ALG5: variants seen among roughly 807,000 people sequenced by gnomAD.
ALG5 encodes dolichyl-phosphate beta-glucosyltransferase.
In ALG5, 26 loss-of-function variants were observed where a neutral mutation model predicts 51.8. The ratio of observed to expected loss-of-function variants is 0.50; its 90% CI spans 0.37 to 0.70. The LOEUF (loss-of-function observed/expected upper bound fraction) is 0.70, where lower values mean the gene tolerates loss of function less well. ALG5 is among the 30% of genes least tolerant of loss of function. ALG5 has a pLI of 0.00. For missense variants in ALG5, 311 were observed against 399.3 expected (o/e 0.78, Z 1.88); for synonymous variants, 141 against 136.1 (o/e 1.04, Z -0.25).
chr13:36,996,545 G>T (rs1477184142), intron 1 of ALG5, among the ~76,000 whole-genome samples: 1 of 152,060 alleles, frequency 6.6e-6, no homozygotes, highest in African/African-American at 2.4e-5. Context: ...TATGATGCAA[G>T]AATCTGATCG....
intron 3 of ALG5, 27 bp from the exon 4 acceptor site, chr13:36,993,699 C>G: frequency 6.3e-7 from 1 of 1,597,224 alleles, no homozygotes. Flanking sequence ...TAAAGTAATA[C>G]AATTTGGCAT....
At chr13:36,976,363 T>C (rs1163599051) in intron 6 of ALG5, among the ~76,000 whole-genome samples, 2 of 138,810 alleles carry the variant, frequency 1.4e-5, no homozygotes, top group African/African-American at 2.8e-5. Context: ...GAGGTGGAGG[T>C]TGCAGTGAGA....
intron 6 of ALG5, among the ~76,000 whole-genome samples, chr13:36,979,921 C>G (rs955381300): frequency 1.3e-5 from 2 of 152,118 alleles, no homozygotes; most frequent in African/African-American, 4.8e-5. Context: ...GTGGTTTGCA[C>G]ATGCACTCTC....
At chr13:36,956,621 T>C (rs1428536422) in intron 8 of ALG5, among the ~76,000 whole-genome samples, 2 of 152,184 alleles carry the variant, frequency 1.3e-5, no homozygotes, top group Non-Finnish European at 2.9e-5. Flanking sequence ...ATGTGGTATA[T>C]GTACACAATG....
intron 8 of ALG5, among the ~76,000 whole-genome samples, chr13:36,964,567 G>C (rs907380603): frequency 1.1e-4 from 16 of 152,168 alleles, no homozygotes; most frequent in African/African-American, 3.6e-4. Context: ...AGTATCAAAT[G>C]CTGCTGATGG....
At chr13:36,994,846 T>G in intron 3 of ALG5, 143 bp downstream of exon 3, 1 of 685,812 alleles carries the variant, frequency 1.5e-6, no homozygotes, top group Non-Finnish European at 2.5e-6. Flanking sequence ...GGCTTATGGA[T>G]AGCAACAAGC....
chr13:36,979,157 C>T (rs1005030469), intron 6 of ALG5, among the ~76,000 whole-genome samples: 2 of 152,114 alleles, frequency 1.3e-5, no homozygotes, highest in South Asian at 2.1e-4. Flanking sequence ...GCTGGGACTA[C>T]AGGTGTGTGC....
In ALG5 at chr13:36,972,323, G is replaced by A. The variant is rs533542167; in HGVS notation, c.562-287C>T. On this transcript the variant is annotated intron_variant, in intron 6 of 9. Coordinates refer to ENST00000239891, the MANE Select transcript of ALG5 (RefSeq NM_013338.5). ...TCTGTGTGAAAATACTATATTATTTGAGAGAAAAATTAGTGGTATGAGAAA... is the reference window on the plus strand; with the variant it reads ...TCTGTGTGAAAATACTATATTATTTAAGAGAAAAATTAGTGGTATGAGAAA... 5.3e-5 allele frequency among the ~76,000 whole-genome samples: 8 copies of A among 152,132 alleles called. 1 individual carries two copies. The highest frequency in any genetic ancestry group is 1.9e-4 in the African/African-American group (8 of 41,510).
intron 7 of ALG5, among the ~76,000 whole-genome samples, chr13:36,969,494 T>C (rs2058911155): frequency 6.6e-6 from 1 of 151,794 alleles, no homozygotes; most frequent in African/African-American, 2.4e-5. Flanking sequence ...TTAGCTGTTT[T>C]AGTGTGCAAA....
intron 9 of ALG5, among the ~76,000 whole-genome samples, chr13:36,950,354 A>T (rs1356896156): frequency 2.0e-5 from 3 of 152,190 alleles, no homozygotes; most frequent in Non-Finnish European, 4.4e-5. Flanking sequence ...GAAGTCTAAT[A>T]AAAAAACTAC....
chr13:36,962,803 TGTGGCTA>T (rs1190586515), intron 8 of ALG5, among the ~76,000 whole-genome samples: 1 of 152,198 alleles, frequency 6.6e-6, no homozygotes, highest in African/African-American at 2.4e-5. Context: ...GCACTTGAAA[TGTGGCTA>T]GTCTGAATTG....
chr13:36,958,883 T>C (rs1424702779), intron 8 of ALG5, among the ~76,000 whole-genome samples: 2 of 152,072 alleles, frequency 1.3e-5, no homozygotes, highest in Admixed American at 6.5e-5. Context: ...TGATCGGGAT[T>C]ATAAACCCAG....
intron 6 of ALG5, among the ~76,000 whole-genome samples, chr13:36,977,078 A>AT (rs1210928128): frequency 1.3e-5 from 2 of 152,274 alleles, no homozygotes. Context: ...TTATCTCAGC[A>AT]TAAGTCCCCA....
At chr13:36,983,867 A>C (rs2058990456) in intron 6 of ALG5, among the ~76,000 whole-genome samples, 1 of 152,122 alleles carries the variant, frequency 6.6e-6, no homozygotes, top group South Asian at 2.1e-4. Flanking sequence ...AAAGTGTGGA[A>C]TTAAATAAAT....
intron 1 of ALG5, among the ~76,000 whole-genome samples, chr13:36,996,679 A>G (rs958265194): frequency 2.0e-5 from 3 of 152,218 alleles, no homozygotes; most frequent in Non-Finnish European, 4.4e-5. Flanking sequence ...GAAGGATCTC[A>G]TTTCAAAAAT....
At chr13:36,961,285 T>C (rs2058865551) in intron 8 of ALG5, among the ~76,000 whole-genome samples, 1 of 151,840 alleles carries the variant, frequency 6.6e-6, no homozygotes, top group African/African-American at 2.4e-5. Context: ...CGTGATGGCA[T>C]GCACCTGTAG....
chr13:36,957,771 C>T (rs1272229244), intron 8 of ALG5, among the ~76,000 whole-genome samples: 1 of 152,130 alleles, frequency 6.6e-6, no homozygotes, highest in African/African-American at 2.4e-5. Context: ...CAGACATCAC[C>T]TCCTTAGCCA....
intron 8 of ALG5, among the ~76,000 whole-genome samples, chr13:36,962,299 G>A (rs1282490023): frequency 6.6e-6 from 1 of 152,130 alleles, no homozygotes; most frequent in Non-Finnish European, 1.5e-5. Flanking sequence ...TTGATTTAAA[G>A]TGCAGGAACA....
intron 6 of ALG5, among the ~76,000 whole-genome samples, chr13:36,972,907 GCGTGAACC>G (rs946915554): frequency 2.6e-5 from 4 of 151,062 alleles, no homozygotes; most frequent in Admixed American, 2.0e-4. Flanking sequence ...CAGGAGAATG[GCGTGAACC>G]CAGGAGGCAG....
Sources: allele counts gnomAD v4.1 joint callset (sites outside exome capture counted in the v4.1 genomes callset), GRCh38; gene constraint gnomAD v4.1.1; transcripts MANE v1.5; gene names NCBI Gene and HGNC (gene_info 2026-07-23, HGNC 2026-07-21).